The following ZNF700 variants were observed in gnomAD, a reference collection of about 807,000 sequenced individuals.
ZNF700 encodes zinc finger protein 700.
A neutral mutation model predicts 65.3 loss-of-function variants in ZNF700; 38 were observed. That is an observed-to-expected ratio of 0.58 (90% CI 0.45 to 0.76). The LOEUF is 0.76. Among genes scored for constraint, ZNF700 ranks in the 30% least tolerant of loss-of-function variants. The pLI, the probability that ZNF700 is intolerant of heterozygous loss-of-function variation, is 0.00. For synonymous variants in ZNF700, 285 were observed against 290.4 expected, an observed-to-expected ratio of 0.98 and a Z score of 0.19; for missense variants, 857 against 888.4, an observed-to-expected ratio of 0.96 and a Z score of 0.45.
intron 1 of ZNF700, among the ~76,000 whole-genome samples, chr19:11,942,989 A>G (rs1345067924): frequency 1.3e-5 from 2 of 152,176 alleles, no homozygotes; most frequent in East Asian, 3.8e-4. Context: ...AAGACAGATC[A>G]ATAGTGGTTA....
chr19:11,950,266 T>A lies in ZNF700; in HGVS notation c.*13T>A, dbSNP rs765342145. On this transcript the variant is annotated 3_prime_UTR_variant, in exon 4 of 4. Coordinates refer to ENST00000254321, the MANE Select transcript of ZNF700 (RefSeq NM_144566.3). ...AGCATTCAGCTAGCCTGGTTCCTTT[T>A]ATGGACATGAATAGACTCACACTGG... The A allele has an allele frequency of 1.9e-5, 31 of 1,600,782 alleles. No individual in the cohort carries two copies. The South Asian group carries it at 3.1e-4, about 16-fold the overall frequency.
rs1213481737 is a variant in ZNF700 at position 11,947,299 on chromosome 19, C to A, written c.182C>A (p.Thr61Asn). ...ATGCTGGAAACTTTCAGGAACCTGA[C>A]CTCTATAGGTAAGGATGACAATATT... ...EVMLETFRNL[T>N]SIGKKWSDQN... Residue 61 changes from threonine (T) to asparagine (N), a missense_variant, in exon 2 of 4, where the codon ACC becomes AAC. Physicochemically the swap from Thr to Asn is moderately conservative, Grantham distance 65. Around this residue, in one of 3 missense-constraint regions of ZNF700, gnomAD observed 603 missense variants for 619.9 expected, o/e 0.97. Transcript: ENST00000254321. 6.2e-7 allele frequency: 1 copy of A among 1,613,782 alleles called. No individual in the cohort carries two copies.
chr19:11,949,543 C>G lies in ZNF700; in HGVS notation c.1519C>G (p.Pro507Ala). The change falls in exon 4 of 4, where the codon CCT (proline) becomes GCT (alanine). Residue 507 changes from proline to alanine, a missense_variant. Coordinates refer to ENST00000254321, the MANE Select transcript of ZNF700 (RefSeq NM_144566.3). ...CATAAGAATGCCCTCTGGAGAAAGA[C>G]CTTATAAATGTAGTATATGTGAGAA... ...KHIRMPSGER[P>A]YKCSICEKGF... 1 of 1,610,950 alleles carries G rather than the reference C, an allele frequency of 6.2e-7. No homozygotes were observed. The highest frequency in any genetic ancestry group is 8.5e-7 in the Non-Finnish European group (1 of 1,179,438).
Position 11,949,907 on chromosome 19 carries a change from C to T in ZNF700, c.1883C>T (p.Ala628Val), listed in dbSNP as rs762640998. ...KPYECKQCGKAFRSASNLQMH... is the reference protein window; with the variant it reads ...KPYECKQCGKVFRSASNLQMH... Reference sequence around the variant, plus strand: ...TATGAGTGTAAGCAATGTGGGAAAGCCTTCAGATCTGCCTCAAACCTTCAG... The same window carrying T: ...TATGAGTGTAAGCAATGTGGGAAAGTCTTCAGATCTGCCTCAAACCTTCAG... The change falls in exon 4 of 4, where the codon GCC becomes GTC. Residue 628 changes from alanine to valine, a missense_variant. This residue lies in a region of ZNF700 where 251 missense variants were observed against 250.3 expected (regional missense o/e 1.00). Coordinates refer to ENST00000254321, the MANE Select transcript of ZNF700 (RefSeq NM_144566.3). 6.2e-6 allele frequency: 10 copies of T among 1,613,882 alleles called. No homozygotes were observed. Among genetic ancestry groups the T allele is most frequent in the Non-Finnish European group, 7.6e-6 (9 of 1,180,002 alleles).
intron 1 of ZNF700, 60 bp downstream of exon 1, chr19:11,925,333 A>G (rs559208127): frequency 2.3e-5 from 36 of 1,597,264 alleles, no homozygotes; most frequent in Admixed American, 3.4e-5. Flanking sequence ...ACAGGCGGGA[A>G]CCGGCTGTGG....
rs566149736 is a variant in ZNF700 at position 11,929,828 on chromosome 19, G to C, written c.63+4555G>C. ...ACATTTCACATGAGAGGAAAGCAGAGAATAACCACTAGACATTTGCCTGAA... is the reference window on the plus strand; with the variant it reads ...ACATTTCACATGAGAGGAAAGCAGACAATAACCACTAGACATTTGCCTGAA... On this transcript the variant is annotated intron_variant, in intron 1 of 3. Coordinates refer to ENST00000254321, the MANE Select transcript of ZNF700 (RefSeq NM_144566.3). 8.4e-4 allele frequency among the ~76,000 whole-genome samples: 125 copies of C among 148,350 alleles called. 16 individuals carry two copies. Among genetic ancestry groups the C allele is most frequent in the African/African-American group, 3.2e-3 (120 of 38,044 alleles).
At chr19:11,940,335 T>C (rs567524666) in intron 1 of ZNF700, among the ~76,000 whole-genome samples, 8 of 152,314 alleles carry the variant, frequency 5.3e-5, no homozygotes, top group African/African-American at 1.9e-4. Context: ...ACCCTTGCGG[T>C]GAGTGTTACA....
Position 11,949,711 on chromosome 19 carries a change from C to T in ZNF700, c.1687C>T (p.Pro563Ser). The T allele has an allele frequency of 1.9e-6, 3 of 1,613,978 alleles. No homozygotes were observed. The highest frequency in any genetic ancestry group is 2.5e-6 in the Non-Finnish European group (3 of 1,180,012). Residue 563 changes from proline to serine, a missense_variant, in exon 4 of 4, where the codon CCC becomes TCC. Coordinates refer to ENST00000254321, the MANE Select transcript of ZNF700 (RefSeq NM_144566.3). ...TGAAAGGACTCACACTGGAGAGAAA[C>T]CCTATGAGTGTAAGCAATGTGGGAA... Reference protein sequence around the residue: ...YHERTHTGEKPYECKQCGKAF... With the variant: ...YHERTHTGEKSYECKQCGKAF...
chr19:11,934,442 A>G (rs146278079), intron 1 of ZNF700, among the ~76,000 whole-genome samples: 1 of 148,488 alleles, frequency 6.7e-6, no homozygotes, highest in African/African-American at 2.6e-5. Flanking sequence ...GGCATTAGGA[A>G]GTGTCAGTGT....
chr19:11,947,775 A>G (rs983318548), intron 3 of ZNF700, among the ~76,000 whole-genome samples: 9 of 152,142 alleles, frequency 5.9e-5, no homozygotes, highest in Admixed American at 2.6e-4. Flanking sequence ...AGAAGTGGAG[A>G]TAGGAGGATA....
intron 1 of ZNF700, among the ~76,000 whole-genome samples, chr19:11,929,014 T>C (rs1225944354): frequency 6.8e-6 from 1 of 148,144 alleles, no homozygotes; most frequent in East Asian, 1.9e-4. Flanking sequence ...TACAAAACGC[T>C]ATAGGTAGGA....
At chr19:11,940,533 C>T (rs995001546) in intron 1 of ZNF700, among the ~76,000 whole-genome samples, 8 of 151,984 alleles carry the variant, frequency 5.3e-5, no homozygotes, top group African/African-American at 1.5e-4. Flanking sequence ...CTCGTGATCT[C>T]GCTGGCTTCA....
chr19:11,932,822 A>G (rs1185591948), intron 1 of ZNF700, among the ~76,000 whole-genome samples: 1 of 147,402 alleles, frequency 6.8e-6, no homozygotes, highest in Admixed American at 6.7e-5. Context: ...TATTTTTAGT[A>G]GAGACGGGGT....
intron 1 of ZNF700, among the ~76,000 whole-genome samples, chr19:11,933,257 A>C (rs1972741632): frequency 6.8e-6 from 1 of 148,004 alleles, no homozygotes; most frequent in Non-Finnish European, 1.5e-5. Context: ...GTTTCAAAAA[A>C]AAAAAAAATG....
intron 1 of ZNF700, among the ~76,000 whole-genome samples, chr19:11,930,646 T>C (rs913588054): frequency 1.3e-5 from 2 of 148,460 alleles, no homozygotes; most frequent in Non-Finnish European, 2.9e-5. Flanking sequence ...TTCTGTTAAG[T>C]GTTCACCACT....
intron 1 of ZNF700, chr19:11,926,581 G>T (rs1200211993): frequency 6.5e-6 from 1 of 153,922 alleles, no homozygotes; most frequent in Non-Finnish European, 1.5e-5. Context: ...TAGAGATGGG[G>T]TTTCACCATG....
At chr19:11,925,500 C>T (rs1972612290) in intron 1 of ZNF700, among the ~76,000 whole-genome samples, 1 of 152,138 alleles carries the variant, frequency 6.6e-6, no homozygotes, top group African/African-American at 2.4e-5. Context: ...GCGGCCGCGG[C>T]CCCTGCCCCG....
chr19:11,927,069 C>G (rs1313019668), intron 1 of ZNF700, among the ~76,000 whole-genome samples: 1 of 152,192 alleles, frequency 6.6e-6, no homozygotes, highest in Non-Finnish European at 1.5e-5. Context: ...GAAAGCTACT[C>G]TGGGCCAGCA....
At position 11,945,726 on chromosome 19, in the gene ZNF700, A is replaced by T. The variant is rs567695301; in HGVS notation, c.64-1455A>T. 1.7e-3 allele frequency among the ~76,000 whole-genome samples: 251 copies of T among 151,894 alleles called. 3 individuals carry two copies. The highest frequency in any genetic ancestry group is 5.7e-3 in the African/African-American group (236 of 41,424). On this transcript the variant is annotated intron_variant, in intron 1 of 3. Coordinates refer to ENST00000254321, the MANE Select transcript of ZNF700 (RefSeq NM_144566.3). ...AAGTCTTCATTCCTCCTCCTGGGGG[A>T]CAGTAAGGGCCATGATGACTCCCTT...
Sources: gnomAD v4.1 joint callset for allele counts (sites outside exome capture counted in the v4.1 genomes callset) on GRCh38, gnomAD v4.1.1 for gene constraint, gnomAD v4.1.1 regional missense constraint, MANE v1.5 for transcripts, NCBI Gene and HGNC (gene_info 2026-07-23, HGNC 2026-07-21) for gene names.